NRXN3: variants seen among roughly 807,000 people sequenced by gnomAD.
The protein encoded by NRXN3 is neurexin III.
A neutral mutation model predicts 137.6 loss-of-function variants in NRXN3; 32 were observed. The observed-to-expected ratio is 0.23, with a 90% CI of 0.18 to 0.31. The LOEUF (loss-of-function observed/expected upper bound fraction) is 0.31, where lower values mean the gene tolerates loss of function less well. Ranked by LOEUF, NRXN3 falls within the 10% of genes least tolerant of loss-of-function variation. The pLI is 1.00. For missense variants in NRXN3, 1,574 were observed against 2,062.5 expected, an observed-to-expected ratio of 0.76 and a Z score of 4.59; for synonymous variants, 798 against 784.5, an observed-to-expected ratio of 1.02 and a Z score of -0.29.
intron 15 of NRXN3, among the ~76,000 whole-genome samples, chr14:78,999,082 G>A (rs371775929): frequency 6.6e-6 from 1 of 152,108 alleles, no homozygotes; most frequent in East Asian, 1.9e-4. Flanking sequence ...ATTAACAAAT[G>A]TTTTCAAACA....
chr14:79,095,150 A>G (rs906492125), intron 15 of NRXN3, among the ~76,000 whole-genome samples: 3 of 152,146 alleles, frequency 2.0e-5, no homozygotes, highest in African/African-American at 7.2e-5. Context: ...CCTCTGTTGT[A>G]TGCTTCTGCT....
chr14:78,471,953 G>C (rs1369901505), intron 4 of NRXN3, among the ~76,000 whole-genome samples: 1 of 152,192 alleles, frequency 6.6e-6, no homozygotes, highest in African/African-American at 2.4e-5. Flanking sequence ...TCTGATTTTG[G>C]TTAGGAAGGG....
chr14:78,540,083 G>C (rs1015723979), intron 4 of NRXN3, among the ~76,000 whole-genome samples: 1 of 152,206 alleles, frequency 6.6e-6, no homozygotes, highest in South Asian at 2.1e-4. Flanking sequence ...TGTATATTCT[G>C]TTGATGTGGG....
At chr14:79,518,912 ATTC>A (rs2097026969) in intron 16 of NRXN3, among the ~76,000 whole-genome samples, 1 of 152,178 alleles carries the variant, frequency 6.6e-6, no homozygotes, top group African/African-American at 2.4e-5. Context: ...AGCATTGAGT[ATTC>A]TTTATAATAT....
chr14:79,009,839 C>T (rs1286097759), intron 15 of NRXN3, among the ~76,000 whole-genome samples: 1 of 152,194 alleles, frequency 6.6e-6, no homozygotes, highest in Non-Finnish European at 1.5e-5. Context: ...GTGGTTGGTC[C>T]ACTTCCTTCA....
At chr14:78,535,549 A>G (rs2096527206) in intron 4 of NRXN3, among the ~76,000 whole-genome samples, 1 of 152,210 alleles carries the variant, frequency 6.6e-6, no homozygotes, top group South Asian at 2.1e-4. Context: ...GTGACACTTA[A>G]TTGGATAGTG....
chr14:78,181,393 G>A (rs913885225), intron 1 of NRXN3, among the ~76,000 whole-genome samples: 1 of 152,182 alleles, frequency 6.6e-6, no homozygotes, highest in African/African-American at 2.4e-5. Context: ...ATGCACTTGT[G>A]AAGTCCTCTT....
intron 16 of NRXN3, among the ~76,000 whole-genome samples, chr14:79,637,729 C>CTCTTTTTTTTTTTT (rs2098411880): frequency 1.0e-5 from 1 of 95,622 alleles, no homozygotes; most frequent in Non-Finnish European, 2.0e-5. Context: ...TAGAAAAGTT[C>CTCTTTTTTTTTTTT]TTTTTTTTTT....
intron 16 of NRXN3, among the ~76,000 whole-genome samples, chr14:79,516,708 G>A (rs1030913773): frequency 6.6e-6 from 1 of 152,144 alleles, no homozygotes; most frequent in Non-Finnish European, 1.5e-5. Flanking sequence ...AAAGGAAAGT[G>A]TATAGTCTCA....
intron 15 of NRXN3, among the ~76,000 whole-genome samples, chr14:79,387,773 C>G (rs1449199961): frequency 6.6e-6 from 1 of 151,784 alleles, no homozygotes; most frequent in Non-Finnish European, 1.5e-5. Context: ...ACTATGCAGC[C>G]ATAAAAAAGG....
At chr14:79,715,144 G>A (rs900846660) in intron 19 of NRXN3, among the ~76,000 whole-genome samples, 4 of 152,016 alleles carry the variant, frequency 2.6e-5, no homozygotes, top group Non-Finnish European at 4.4e-5. Context: ...TAGTAGAGAT[G>A]GGGTTTCACC....
chr14:79,639,526 A>T lies in NRXN3; in HGVS notation c.3445-24252A>T, dbSNP rs571677521. 4.0e-5 allele frequency among the ~76,000 whole-genome samples: 6 copies of T among 151,384 alleles called. No individual in the cohort carries two copies. The South Asian group carries it at 6.3e-4, about 16-fold the overall frequency. On this transcript the variant is annotated intron_variant, in intron 16 of 20. Coordinates refer to ENST00000335750, the MANE Select transcript of NRXN3 (RefSeq NM_001330195.2). ...ATATGTGTCCTGATTAATTTTTGTT[A>T]ACTGTTATACTAAGACTTTTCACCA... is the stretch of plus-strand genomic sequence containing the variant.
intron 16 of NRXN3, among the ~76,000 whole-genome samples, chr14:79,658,922 G>A (rs1468695586): frequency 6.6e-6 from 1 of 152,156 alleles, no homozygotes; most frequent in Non-Finnish European, 1.5e-5. Context: ...GTCTTCCCCA[G>A]GGGCAGTCTG....
At chr14:78,787,409 A>C (rs1232425596) in intron 8 of NRXN3, among the ~76,000 whole-genome samples, 2 of 152,182 alleles carry the variant, frequency 1.3e-5, no homozygotes, top group Non-Finnish European at 2.9e-5. Flanking sequence ...TAAGACAACA[A>C]AATCAAGAGT....
chr14:78,971,002 AC>A (rs1487448188), intron 14 of NRXN3, among the ~76,000 whole-genome samples: 1 of 152,202 alleles, frequency 6.6e-6, no homozygotes, highest in Non-Finnish European at 1.5e-5. Flanking sequence ...TTGATTGTAC[AC>A]AAATGACTTG....
At chr14:79,814,308 G>A (rs1239140655) in intron 20 of NRXN3, among the ~76,000 whole-genome samples, 2 of 152,208 alleles carry the variant, frequency 1.3e-5, no homozygotes, top group Non-Finnish European at 2.9e-5. Context: ...CTTGTCCACT[G>A]TCGTGGTGTT....
intron 6 of NRXN3, chr14:78,703,496 A>C (rs958889896): frequency 6.6e-6 from 1 of 152,250 alleles, no homozygotes; most frequent in Non-Finnish European, 1.5e-5. Flanking sequence ...TCATCCTGGA[A>C]GCTGAAGAGA....
At chr14:79,830,233 T>C (rs1481618512) in intron 20 of NRXN3, among the ~76,000 whole-genome samples, 2 of 152,188 alleles carry the variant, frequency 1.3e-5, no homozygotes, top group African/African-American at 4.8e-5. Flanking sequence ...TTTAATAAGC[T>C]TGCAAGGAAT....
intron 8 of NRXN3, among the ~76,000 whole-genome samples, chr14:78,786,962 C>T (rs1176421572): frequency 6.6e-6 from 1 of 152,132 alleles, no homozygotes; most frequent in Non-Finnish European, 1.5e-5. Context: ...CTTTCTAACT[C>T]TAAATTTCTA....
Sources: gnomAD v4.1 joint callset for allele counts (sites outside exome capture counted in the v4.1 genomes callset) on GRCh38, gnomAD v4.1.1 for gene constraint, MANE v1.5 for transcripts, NCBI Gene and HGNC (gene_info 2026-07-23, HGNC 2026-07-21) for gene names.